TMEM222: variants seen among roughly 807,000 people sequenced by gnomAD.
TMEM222 encodes chromosome 1 open reading frame 160.
Under a neutral mutation model 25.1 loss-of-function variants are expected in TMEM222, and 18 were observed. That is an observed-to-expected ratio of 0.72 (90% CI 0.50 to 1.06). The LOEUF is 1.06. Among genes scored for constraint, TMEM222 ranks in the 50% least tolerant of loss-of-function variants. The probability of loss-of-function intolerance (pLI) is 0.00; values close to 1 mark genes in which losing one functional copy is unlikely to be tolerated. For missense variants in TMEM222, 296 were observed against 293.7 expected (o/e 1.01, Z -0.06); for synonymous variants, 131 against 117.9 (o/e 1.11, Z -0.72).
intron 1 of TMEM222, among the ~76,000 whole-genome samples, chr1:27,327,704 C>G (rs970978289): frequency 2.6e-5 from 4 of 151,910 alleles, no homozygotes; most frequent in African/African-American, 9.7e-5. Context: ...TCACTGCAGC[C>G]TCAACTTCCT....
intron 2 of TMEM222, among the ~76,000 whole-genome samples, chr1:27,331,610 C>T (rs1031284153): frequency 6.6e-6 from 1 of 152,208 alleles, no homozygotes; most frequent in Non-Finnish European, 1.5e-5. Context: ...CTGGGCCCAG[C>T]GCCCCCGCCC....
At chr1:27,327,747 TC>T (rs1360305662) in intron 1 of TMEM222, among the ~76,000 whole-genome samples, 9 of 152,252 alleles carry the variant, frequency 5.9e-5, no homozygotes, top group Non-Finnish European at 7.4e-5. Context: ...AGCCTCAACT[TC>T]CTTGGATCAA....
At chr1:27,333,008 C>T (rs1391882623) in intron 3 of TMEM222, 8 of 302,818 alleles carry the variant, frequency 2.6e-5, no homozygotes, top group Non-Finnish European at 4.6e-5. Context: ...ACCCACCGGG[C>T]ACTCTGGTGC....
chr1:27,332,965 G>C, intron 3 of TMEM222: 1 of 284,870 alleles, frequency 3.5e-6, no homozygotes, highest in Admixed American at 4.4e-5. Context: ...CAGCCAGGGG[G>C]CGCCCTGACC....
rs866423519 is a variant in TMEM222 at position 27,325,400 on chromosome 1, T to G, written c.194+3009T>G. On this transcript the variant is annotated intron_variant, in intron 1 of 5. Transcript: ENST00000374076. Reference sequence around the variant, plus strand: ...TGGAGAAGAGCTACAAGCTGCCGGATGGCCAGGTCATCACCATCAGCAACA... The same window carrying G: ...TGGAGAAGAGCTACAAGCTGCCGGAGGGCCAGGTCATCACCATCAGCAACA... The G allele has an allele frequency of 6.9e-5, 72 of 1,049,468 alleles. No individual in the cohort carries two copies. The Middle Eastern group carries it at 6.1e-3, about 89-fold the overall frequency. The allele number at this position is 1,049,468 out of a possible 1,614,324, so 65.0% of individuals were successfully genotyped here.
At position 27,326,972 on chromosome 1, in the gene TMEM222, G is replaced by C. The variant is rs183944133; in HGVS notation, c.195-3748G>C. Reference sequence around the variant, plus strand: ...GCACAGCTGTGGCGTGTGGAATCCTGGTTGGACCCAGACTTCCTCCCAAGC... The same window carrying C: ...GCACAGCTGTGGCGTGTGGAATCCTCGTTGGACCCAGACTTCCTCCCAAGC... On this transcript the variant is annotated intron_variant, in intron 1 of 5. Coordinates refer to ENST00000374076, the MANE Select transcript of TMEM222 (RefSeq NM_032125.3). Among the ~76,000 whole-genome samples the C allele has an allele frequency of 3.8e-3, 565 of 150,352 alleles. 2 individuals are homozygous for C. The highest frequency in any genetic ancestry group is 0.017 in the Middle Eastern group (5 of 294).
intron 1 of TMEM222, chr1:27,325,453 TC>T: frequency 7.6e-7 from 1 of 1,322,244 alleles, no homozygotes. Context: ...GAGGCGCTGT[TC>T]CAGCCTTCCT....
At chr1:27,322,515 GC>G in intron 1 of TMEM222, 124 bp downstream of exon 1, 1 of 946,924 alleles carries the variant, frequency 1.1e-6, no homozygotes, top group Non-Finnish European at 1.4e-6. Flanking sequence ...CGCACGCCTC[GC>G]CCAGTCACCA....
chr1:27,329,132 T>G (rs1371464296), intron 1 of TMEM222, among the ~76,000 whole-genome samples: 1 of 152,078 alleles, frequency 6.6e-6, no homozygotes. Flanking sequence ...CCTTGCACAT[T>G]CTGTTTCTTT....
chr1:27,333,982 G>A lies in TMEM222; in HGVS notation c.336G>A (p.Gln112=). 6.2e-7 allele frequency: 1 copy of A among 1,614,140 alleles called. No homozygotes were observed. Among genetic ancestry groups the A allele is most frequent in the Non-Finnish European group, 8.5e-7 (1 of 1,180,006 alleles). Residue 112 remains glutamine, a synonymous_variant, in exon 4 of 6, where the codon CAG becomes CAA. Coordinates refer to ENST00000374076, the MANE Select transcript of TMEM222 (RefSeq NM_032125.3). ...PAKYWKLDPA[Q]VYASGPNAWD... ...GGTACTGGAAGTTGGACCCTGCTCA[G>A]GTCTATGCTAGCGGGCCCAACGCAT... is the stretch of plus-strand genomic sequence containing the variant.
chr1:27,332,152 C>T (rs376202363), intron 3 of TMEM222, 51 bp downstream of exon 3: 63 of 1,611,468 alleles, frequency 3.9e-5, no homozygotes, highest in Admixed American at 1.0e-4. Flanking sequence ...TCGCTCCTGC[C>T]GGGGCGGGCC....
chr1:27,328,665 TC>T (rs1410170988), intron 1 of TMEM222, among the ~76,000 whole-genome samples: 1 of 152,236 alleles, frequency 6.6e-6, no homozygotes, highest in African/African-American at 2.4e-5. Flanking sequence ...AGCTGGCCTC[TC>T]CCCCTTTCGT....
intron 3 of TMEM222, chr1:27,333,601 G>A (rs2014533356): frequency 3.2e-5 from 13 of 402,522 alleles, no homozygotes; most frequent in South Asian, 2.4e-4. Flanking sequence ...CTTTTATAAG[G>A]ACACGGATCC....
chr1:27,330,956 G>T, intron 2 of TMEM222, 152 bp downstream of exon 2: 2 of 1,522,890 alleles, frequency 1.3e-6, no homozygotes, highest in South Asian at 2.6e-5. Context: ...ACCAGTGTTT[G>T]ACCCCTTTCC....
At chr1:27,329,405 C>T (rs188583515) in intron 1 of TMEM222, among the ~76,000 whole-genome samples, 204 of 152,216 alleles carry the variant, frequency 1.3e-3, no homozygotes, top group African/African-American at 4.7e-3. Context: ...GATTCCACCC[C>T]GCTGTGGACC....
rs1441911121 is a variant in TMEM222, at chr1:27,332,115, AC to A, written c.311+17del. 6 of 1,614,106 alleles carry A rather than the reference AC, an allele frequency of 3.7e-6. No homozygotes were observed. The highest frequency in any genetic ancestry group is 4.2e-6 in the Non-Finnish European group (5 of 1,180,040). On this transcript the variant is annotated intron_variant, in intron 3 of 5. Coordinates refer to ENST00000374076, the MANE Select transcript of TMEM222 (RefSeq NM_032125.3). ...AAAGCCTGCCAAGTAAGTGATGAAC[AC>A]CCATGTGACTGGCTCTAGAGGCAGG...
In TMEM222 at chr1:27,335,477, G is replaced by T. The variant is rs780428122; in HGVS notation, c.*11G>T. ...TTTAACCTCCGGTGATGGCTGCTCG[G>T]TGGCCCCACACCCACCAGGGTCCCG... On this transcript the variant is annotated 3_prime_UTR_variant, in exon 6 of 6. Coordinates refer to ENST00000374076, the MANE Select transcript of TMEM222 (RefSeq NM_032125.3). The T allele has an allele frequency of 1.2e-6, 2 of 1,613,568 alleles. No homozygotes were observed. The highest frequency in any genetic ancestry group is 1.7e-6 in the Non-Finnish European group (2 of 1,179,676).
At chr1:27,333,275 A>G (rs962827710) in intron 3 of TMEM222, 2 of 468,282 alleles carry the variant, frequency 4.3e-6, no homozygotes, top group Non-Finnish European at 8.8e-6. Context: ...TATGCCTGTC[A>G]CTTAGCTTAA....
At chr1:27,323,505 C>T (rs1028547797) in intron 1 of TMEM222, among the ~76,000 whole-genome samples, 1 of 152,178 alleles carries the variant, frequency 6.6e-6, no homozygotes, top group African/African-American at 2.4e-5. Flanking sequence ...TTGGGACAGG[C>T]GCGGTGGCTC....
Sources: allele counts gnomAD v4.1 joint callset (sites outside exome capture counted in the v4.1 genomes callset), GRCh38; gene constraint gnomAD v4.1.1; transcripts MANE v1.5; gene names NCBI Gene and HGNC (gene_info 2026-07-23, HGNC 2026-07-21).